Variants in HLF observed in about 807,000 individuals in gnomAD.
HLF encodes the protein HLF transcription factor, PAR bZIP family member, also known as hepatic leukemia factor.
In HLF, 3 loss-of-function variants were observed where a neutral mutation model predicts 22.6. The ratio of observed to expected loss-of-function variants is 0.13; its 90% confidence interval spans 0.06 to 0.34. HLF has a LOEUF of 0.34. HLF is among the 10% of genes least tolerant of loss of function. The probability of loss-of-function intolerance (pLI) is 1.00; values close to 1 mark genes in which losing one functional copy is unlikely to be tolerated. For missense variants in HLF, 299 were observed against 389.2 expected, an observed-to-expected ratio of 0.77 and a Z score of 1.95; for synonymous variants, 151 against 151.8, an observed-to-expected ratio of 0.99 and a Z score of 0.04.
intron 2 of HLF, among the ~76,000 whole-genome samples, chr17:55,314,523 C>A (rs899152017): frequency 6.6e-6 from 1 of 152,130 alleles, no homozygotes; most frequent in Non-Finnish European, 1.5e-5. Context: ...TTGGATTGTT[C>A]AAAATCATAT....
intron 2 of HLF, among the ~76,000 whole-genome samples, chr17:55,268,430 A>C (rs181800514): frequency 1.3e-5 from 2 of 152,374 alleles, no homozygotes; most frequent in East Asian, 3.9e-4. Context: ...CTTACAGTTA[A>C]TGATTTGGAT....
rs531630629 is a variant in HLF, at chr17:55,324,701, A to C, written c.*3822A>C. Reference sequence around the variant, plus strand: ...TCTCCTCCACGTTTTTTCTGCAATTAATAATGTCATTTAAAAAATGAGCAA... The same window carrying C: ...TCTCCTCCACGTTTTTTCTGCAATTCATAATGTCATTTAAAAAATGAGCAA... On this transcript the variant is annotated 3_prime_UTR_variant, in exon 4 of 4. Transcript: ENST00000226067. 8 of 232,942 alleles carry C rather than the reference A, an allele frequency of 3.4e-5. No individual in the cohort carries two copies. The highest frequency in any genetic ancestry group is 4.2e-5 in the Non-Finnish European group (5 of 117,900). The allele number at this position is 232,942 out of a possible 1,614,324, so 14.4% of individuals were successfully genotyped here.
chr17:55,280,945 T>A (rs2080949362), intron 2 of HLF, among the ~76,000 whole-genome samples: 1 of 152,124 alleles, frequency 6.6e-6, no homozygotes, highest in South Asian at 2.1e-4. Context: ...CAACTAGAAG[T>A]TGATCGATTT....
chr17:55,311,276 G>A (rs1904815281), intron 2 of HLF, among the ~76,000 whole-genome samples: 1 of 152,012 alleles, frequency 6.6e-6, no homozygotes, highest in Non-Finnish European at 1.5e-5. Flanking sequence ...TGGCCAACAT[G>A]GTGAAACCCT....
At position 55,324,192 on chromosome 17, in the gene HLF, C is replaced by G. The variant is rs1905370600; in HGVS notation, c.*3313C>G. On this transcript the variant is annotated 3_prime_UTR_variant, in exon 4 of 4. Coordinates refer to ENST00000226067, the MANE Select transcript of HLF (RefSeq NM_002126.5). ...GACCCATCCCTCAAAGCAGAAGGAC[C>G]CTTTGAGGAGAGTACAGATGGGATT... is the stretch of plus-strand genomic sequence containing the variant. 8.9e-6 allele frequency: 2 copies of G among 225,168 alleles called. No individual in the cohort carries two copies. The highest frequency in any genetic ancestry group is 1.1e-4 in the Admixed American group (2 of 17,508). 13.9% of individuals were successfully genotyped at this position (225,168 alleles called of 1,614,324 possible). A position where few individuals can be genotyped will look rare whatever the true frequency, so the allele number is the denominator to read the frequency against.
At position 55,323,638 on chromosome 17, in the gene HLF, TAC is replaced by T; in HGVS notation, c.*2768_*2769del. On this transcript the variant is annotated 3_prime_UTR_variant, in exon 4 of 4. Coordinates refer to ENST00000226067, the MANE Select transcript of HLF (RefSeq NM_002126.5). The stretch of plus-strand genomic sequence containing the variant: ...CCTTATATGTAGGTCATTGTCACGA[TAC>T]ACACACACGAACACTCCCTCTGGAC... The T allele has an allele frequency of 1.3e-5, 3 of 228,832 alleles. No homozygotes were observed. Among genetic ancestry groups the T allele is most frequent in the Non-Finnish European group, 1.7e-5 (2 of 115,046 alleles). The allele number at this position is 228,832 out of a possible 1,614,324, so 14.2% of individuals were successfully genotyped here.
chr17:55,294,712 A>T (rs1317429411), intron 2 of HLF, among the ~76,000 whole-genome samples: 2 of 152,104 alleles, frequency 1.3e-5, no homozygotes, highest in Admixed American at 1.3e-4. Context: ...CTTCTTCAGG[A>T]CTTCACTGCT....
At chr17:55,302,871 T>G (rs1904361273) in intron 2 of HLF, among the ~76,000 whole-genome samples, 1 of 152,256 alleles carries the variant, frequency 6.6e-6, no homozygotes. Flanking sequence ...CTTGTTTCTC[T>G]GCTGGAGAAG....
At position 55,324,164 on chromosome 17, in the gene HLF, A is replaced by C. The variant is rs1905369337; in HGVS notation, c.*3285A>C. Reference sequence around the variant, plus strand: ...TTGTCTTCAAATACAACAGGCCTCCACTGACCCATCCCTCAAAGCAGAAGG... The same window carrying C: ...TTGTCTTCAAATACAACAGGCCTCCCCTGACCCATCCCTCAAAGCAGAAGG... On this transcript the variant is annotated 3_prime_UTR_variant, in exon 4 of 4. Coordinates refer to ENST00000226067, the MANE Select transcript of HLF (RefSeq NM_002126.5). 1 of 225,238 alleles carries C rather than the reference A, an allele frequency of 4.4e-6. No individual in the cohort carries two copies. Among genetic ancestry groups the C allele is most frequent in the Admixed American group, 5.7e-5 (1 of 17,508 alleles). 14.0% of individuals were successfully genotyped at this position (225,238 alleles called of 1,614,324 possible). A position where few individuals can be genotyped will look rare whatever the true frequency, so the allele number is the denominator to read the frequency against.
intron 2 of HLF, among the ~76,000 whole-genome samples, chr17:55,276,338 T>C (rs147724232): frequency 7.9e-5 from 12 of 152,272 alleles, no homozygotes; most frequent in Admixed American, 4.6e-4. Context: ...CAAACTAGCA[T>C]GTTCTCAGTG....
chr17:55,265,364 C>T lies in HLF; in HGVS notation c.-121C>T, dbSNP rs970633821. On this transcript the variant is annotated 5_prime_UTR_variant, in exon 1 of 4. Transcript: ENST00000226067. ...AAGTAATTTTTTTCTTCCCTTTTCTCCACCGCCTTGAGAGCGAGTACTTTT... is the reference window on the plus strand; with the variant it reads ...AAGTAATTTTTTTCTTCCCTTTTCTTCACCGCCTTGAGAGCGAGTACTTTT... The T allele has an allele frequency of 4.8e-6, 3 of 628,158 alleles. No individual in the cohort carries two copies. The highest frequency in any genetic ancestry group is 8.5e-6 in the Non-Finnish European group (3 of 354,612). 38.9% of individuals were successfully genotyped at this position (628,158 alleles called of 1,614,324 possible).
At chr17:55,284,020 C>T (rs2080978103) in intron 2 of HLF, 1 of 152,228 alleles carries the variant, frequency 6.6e-6, no homozygotes, top group African/African-American at 2.4e-5. Context: ...AGCTGTGGAA[C>T]GTGCTTTGCG....
Position 55,276,872 on chromosome 17 carries a change from C to G in HLF, c.451+8786C>G, listed in dbSNP as rs980294712. On this transcript the variant is annotated intron_variant, in intron 2 of 3. Transcript: ENST00000226067. ...ATTTTTAGAAACTTGACAATAGTTT[C>G]CTCTGGCAAGCCAGGATTTCCTTAT... Among the ~76,000 whole-genome samples, 4 of 152,318 alleles carry G rather than the reference C, an allele frequency of 2.6e-5. No homozygotes were observed. In the East Asian group the frequency reaches 7.7e-4, roughly 29 times the overall value.
chr17:55,306,798 CCTTTCTTTATT>C (rs1477740991), intron 2 of HLF, among the ~76,000 whole-genome samples: 3 of 151,658 alleles, frequency 2.0e-5, no homozygotes, highest in Non-Finnish European at 4.4e-5. Context: ...TTCCATAATA[CCTTTCTTTATT>C]CTTTCTTTAT....
rs975653953 is a variant in HLF, at chr17:55,264,988, G to T, written c.-497G>T. 7.7e-5 allele frequency: 13 copies of T among 168,688 alleles called. No homozygotes were observed. The Admixed American group carries it at 8.4e-4, about 11-fold the overall frequency. 10.4% of individuals were successfully genotyped at this position (168,688 alleles called of 1,614,324 possible). A position where few individuals can be genotyped will look rare whatever the true frequency, so the allele number is the denominator to read the frequency against. On this transcript the variant is annotated 5_prime_UTR_variant, in exon 1 of 4. Transcript: ENST00000226067. ...CTTGTCAGGGCCGCGGCACATGGGC[G>T]GCCGGATGCGCTGAGCCCGGCGCTG... is the stretch of plus-strand genomic sequence containing the variant.
chr17:55,319,689 A>G (rs1448059868), intron 3 of HLF, among the ~76,000 whole-genome samples: 17 of 152,170 alleles, frequency 1.1e-4, no homozygotes, highest in Admixed American at 1.1e-3. Flanking sequence ...GGCCACCAAT[A>G]TGAGTACATT....
At chr17:55,279,530 T>G (rs914855316) in intron 2 of HLF, among the ~76,000 whole-genome samples, 2 of 152,098 alleles carry the variant, frequency 1.3e-5, no homozygotes, top group Non-Finnish European at 2.9e-5. Context: ...GGCCAAGAGT[T>G]CAAGACCAAC....
At chr17:55,307,062 CT>C (rs1004676215) in intron 2 of HLF, among the ~76,000 whole-genome samples, 344 of 138,820 alleles carry the variant, frequency 2.5e-3, no homozygotes, top group Non-Finnish European at 3.3e-3. Context: ...TTTACCTCCT[CT>C]TTTTTTTTTT....
intron 2 of HLF, among the ~76,000 whole-genome samples, chr17:55,308,584 G>C (rs1283968500): frequency 2.6e-5 from 4 of 152,100 alleles, no homozygotes; most frequent in Admixed American, 2.6e-4. Flanking sequence ...ATTTACAAAG[G>C]CCCAAGTTTA....
Sources: gnomAD v4.1 joint callset for allele counts (sites outside exome capture counted in the v4.1 genomes callset) on GRCh38, gnomAD v4.1.1 for gene constraint, MANE v1.5 for transcripts, NCBI Gene and HGNC (gene_info 2026-07-23, HGNC 2026-07-21) for gene names.